Variants in LRRC4C observed in about 807,000 individuals in gnomAD.
LRRC4C encodes the protein leucine-rich repeat-containing protein 4C.
A neutral mutation model predicts 33.6 loss-of-function variants in LRRC4C; 5 were observed. The ratio of observed to expected loss-of-function variants is 0.15; its 90% CI spans 0.08 to 0.31. LRRC4C has a LOEUF of 0.31. LRRC4C is among the 10% of genes least tolerant of loss of function. The pLI is 1.00. For synonymous variants in LRRC4C, 329 were observed against 302.0 expected (o/e 1.09, Z -0.93); for missense variants, 560 against 796.7 (o/e 0.70, Z 3.58).
intron 3 of LRRC4C, among the ~76,000 whole-genome samples, chr11:40,490,675 T>C (rs117922047): frequency 0.017 from 2,652 of 152,302 alleles, 38 homozygotes; most frequent in South Asian, 0.033. Context: ...GTGAAGATAC[T>C]GAAGGGAATA....
intron 1 of LRRC4C, among the ~76,000 whole-genome samples, chr11:41,252,828 C>A (rs1948684618): frequency 6.6e-6 from 1 of 152,076 alleles, no homozygotes; most frequent in South Asian, 2.1e-4. Context: ...AGAGCTTGCA[C>A]AGGGGAACTC....
intron 2 of LRRC4C, among the ~76,000 whole-genome samples, chr11:40,820,478 A>G (rs886578491): frequency 3.9e-5 from 6 of 151,940 alleles, no homozygotes; most frequent in Admixed American, 3.9e-4. Context: ...TATGAAGAGT[A>G]GGGAGTAAAA....
At chr11:40,988,453 A>T (rs1326268852) in intron 1 of LRRC4C, among the ~76,000 whole-genome samples, 1 of 152,130 alleles carries the variant, frequency 6.6e-6, no homozygotes, top group African/African-American at 2.4e-5. Flanking sequence ...CTCCCTTCTT[A>T]GTAGAGGGGA....
intron 1 of LRRC4C, among the ~76,000 whole-genome samples, chr11:41,086,216 T>C (rs1939977428): frequency 6.6e-6 from 1 of 152,174 alleles, no homozygotes; most frequent in South Asian, 2.1e-4. Context: ...ACAATAGATG[T>C]GTTATAAAGT....
chr11:41,111,320 G>A (rs1941817747), intron 1 of LRRC4C, among the ~76,000 whole-genome samples: 1 of 151,968 alleles, frequency 6.6e-6, no homozygotes, highest in Non-Finnish European at 1.5e-5. Context: ...TCATAAAGTT[G>A]TTGTGAGAGC....
At chr11:40,956,028 T>A (rs897757988) in intron 1 of LRRC4C, among the ~76,000 whole-genome samples, 2 of 151,842 alleles carry the variant, frequency 1.3e-5, no homozygotes, top group African/African-American at 4.8e-5. Flanking sequence ...CCAGTCTTTT[T>A]GGTTTTCTAT....
At chr11:40,533,410 A>C (rs756840895) in intron 3 of LRRC4C, among the ~76,000 whole-genome samples, 11 of 152,118 alleles carry the variant, frequency 7.2e-5, no homozygotes, top group African/African-American at 1.2e-4. Flanking sequence ...AGCAACGCCA[A>C]TACGTCATGA....
chr11:40,307,487 C>G (rs1364406197), intron 4 of LRRC4C, among the ~76,000 whole-genome samples: 2 of 152,182 alleles, frequency 1.3e-5, no homozygotes, highest in Non-Finnish European at 2.9e-5. Flanking sequence ...ATTCTTTTTC[C>G]TAGGGGAAGT....
At chr11:41,281,104 T>TCTCTCTCTCA (rs1455403663) in intron 1 of LRRC4C, among the ~76,000 whole-genome samples, 5 of 102,512 alleles carry the variant, frequency 4.9e-5, no homozygotes, top group African/African-American at 1.8e-4. Flanking sequence ...TCTCTCTCTC[T>TCTCTCTCTCA]CACACACACA....
At chr11:41,382,049 AAGAC>A (rs769865311) in intron 1 of LRRC4C, among the ~76,000 whole-genome samples, 1 of 151,974 alleles carries the variant, frequency 6.6e-6, no homozygotes, top group Non-Finnish European at 1.5e-5. Flanking sequence ...TTAGATATGA[AAGAC>A]AGAATATGAG....
chr11:40,408,430 C>T (rs1006124408), intron 3 of LRRC4C, among the ~76,000 whole-genome samples: 5 of 151,644 alleles, frequency 3.3e-5, no homozygotes, highest in African/African-American at 9.7e-5. Flanking sequence ...CCAACTTTAT[C>T]TTTTTTTTAA....
intron 1 of LRRC4C, among the ~76,000 whole-genome samples, chr11:40,984,367 GAAAGAAAGAAAGAAAGAAAGAAAGAAA>G (rs1329431139): frequency 2.2e-4 from 21 of 96,516 alleles, no homozygotes; most frequent in Admixed American, 9.6e-4. Context: ...AAAGAAAAAA[GAAAGAAAGAAAGAAAGAAAGAAAGAAA>G]GAAAGAAAGA....
At position 40,882,104 on chromosome 11, in the gene LRRC4C, T is replaced by G. The variant is rs796738487; in HGVS notation, c.-407+51531A>C. ...CATGAAAGCAGCCATCGATTATAAA[T>G]GAGTATTGGGAATGGCTGCTTTCCA... On this transcript the variant is annotated intron_variant, in intron 2 of 6. Transcript: ENST00000528697. Among the ~76,000 whole-genome samples, 20 of 152,180 alleles carry G rather than the reference T, an allele frequency of 1.3e-4. No individual in the cohort carries two copies. In the South Asian group the frequency reaches 3.7e-3, roughly 28 times the overall value.
chr11:40,664,665 T>C (rs955296895), intron 2 of LRRC4C, among the ~76,000 whole-genome samples: 5 of 151,678 alleles, frequency 3.3e-5, no homozygotes, highest in African/African-American at 9.7e-5. Flanking sequence ...AAACAAAATG[T>C]AGGCGTAATG....
At chr11:40,515,551 T>A (rs1955527735) in intron 3 of LRRC4C, among the ~76,000 whole-genome samples, 1 of 152,050 alleles carries the variant, frequency 6.6e-6, no homozygotes, top group African/African-American at 2.4e-5. Context: ...ATGTGATTGA[T>A]CTCTGGAATA....
chr11:40,742,010 C>T (rs1457342839), intron 2 of LRRC4C, among the ~76,000 whole-genome samples: 1 of 151,930 alleles, frequency 6.6e-6, no homozygotes, highest in African/African-American at 2.4e-5. Context: ...TATTTTACTT[C>T]TAACAATACT....
intron 1 of LRRC4C, among the ~76,000 whole-genome samples, chr11:41,067,563 C>A (rs965959293): frequency 3.3e-5 from 5 of 152,138 alleles, no homozygotes; most frequent in African/African-American, 9.7e-5. Context: ...ATCAAGTGGA[C>A]CTAATAGACA....
chr11:41,231,508 T>C (rs1464423750), intron 1 of LRRC4C, among the ~76,000 whole-genome samples: 1 of 148,580 alleles, frequency 6.7e-6, no homozygotes, highest in Non-Finnish European at 1.5e-5. Context: ...CAGCAAACTA[T>C]CGCAAGGACA....
At chr11:41,373,448 T>C (rs565040240) in intron 1 of LRRC4C, among the ~76,000 whole-genome samples, 1 of 152,334 alleles carries the variant, frequency 6.6e-6, no homozygotes, top group East Asian at 1.9e-4. Flanking sequence ...TTAATTCAGA[T>C]AATTGAAGTC....
Sources: allele counts gnomAD v4.1 joint callset (sites outside exome capture counted in the v4.1 genomes callset), GRCh38; gene constraint gnomAD v4.1.1; transcripts MANE v1.5; gene names NCBI Gene and HGNC (gene_info 2026-07-23, HGNC 2026-07-21).